The following CTNND2 variants were observed in gnomAD, a reference collection of about 807,000 sequenced individuals.
The protein encoded by CTNND2 is catenin delta 2.
Under a neutral mutation model 144.4 loss-of-function variants are expected in CTNND2, and 22 were observed. The observed-to-expected ratio is 0.15, with a 90% CI of 0.11 to 0.22. The LOEUF (loss-of-function observed/expected upper bound fraction) is 0.22, where lower values mean the gene tolerates loss of function less well. CTNND2 is among the 10% of genes least tolerant of loss of function. The pLI is 1.00. For missense variants in CTNND2, 1,353 were observed against 1,618.8 expected (o/e 0.84, Z 2.82); for synonymous variants, 751 against 695.6 (o/e 1.08, Z -1.25).
At chr5:11,250,884 C>T (rs969474171) in intron 9 of CTNND2, among the ~76,000 whole-genome samples, 1 of 152,036 alleles carries the variant, frequency 6.6e-6, no homozygotes, top group Non-Finnish European at 1.5e-5. Flanking sequence ...TTTGACTACA[C>T]CATAAAGACT....
chr5:11,246,887 G>A (rs2149922321), intron 9 of CTNND2, among the ~76,000 whole-genome samples: 1 of 152,198 alleles, frequency 6.6e-6, no homozygotes, highest in South Asian at 2.1e-4. Flanking sequence ...AGGTAAGAAG[G>A]TCACGGGGTG....
chr5:11,052,765 T>C (rs750430602), intron 16 of CTNND2, among the ~76,000 whole-genome samples: 1 of 152,052 alleles, frequency 6.6e-6, no homozygotes, highest in Non-Finnish European at 1.5e-5. Context: ...CTGGGCACCA[T>C]GGAGGACCAC....
At chr5:11,175,617 GTTTC>G (rs1404398226) in intron 11 of CTNND2, among the ~76,000 whole-genome samples, 3 of 134,682 alleles carry the variant, frequency 2.2e-5, no homozygotes, top group African/African-American at 8.5e-5. Context: ...CATTTAAGTT[GTTTC>G]TTTCTTTTTT....
At chr5:11,379,959 T>C (rs182520081) in intron 7 of CTNND2, among the ~76,000 whole-genome samples, 4 of 152,068 alleles carry the variant, frequency 2.6e-5, no homozygotes, top group African/African-American at 7.2e-5. Context: ...CCAGTTGTCT[T>C]CCCCTGCCTC....
At chr5:11,133,089 C>A (rs531046117) in intron 12 of CTNND2, among the ~76,000 whole-genome samples, 17 of 152,108 alleles carry the variant, frequency 1.1e-4, no homozygotes, top group Non-Finnish European at 2.4e-4. Flanking sequence ...AGTCTAAGGA[C>A]CACTCGCCTT....
chr5:11,210,641 G>T (rs935179851), intron 10 of CTNND2, among the ~76,000 whole-genome samples: 2 of 152,164 alleles, frequency 1.3e-5, no homozygotes, highest in Admixed American at 6.5e-5. Context: ...ATCTCAAAGA[G>T]AATTTTGGAT....
At chr5:11,432,652 CAG>C (rs1763404768) in intron 3 of CTNND2, among the ~76,000 whole-genome samples, 1 of 152,026 alleles carries the variant, frequency 6.6e-6, no homozygotes, top group Non-Finnish European at 1.5e-5. Context: ...TTCAGAAAGA[CAG>C]AGTATCTTCA....
chr5:11,406,112 A>C (rs984772358), intron 5 of CTNND2, among the ~76,000 whole-genome samples: 9 of 152,222 alleles, frequency 5.9e-5, no homozygotes, highest in Non-Finnish European at 1.2e-4. Flanking sequence ...GCACCATTGC[A>C]CACCAGCCTG....
intron 10 of CTNND2, among the ~76,000 whole-genome samples, chr5:11,200,506 T>G (rs11949895): frequency 1.8e-4 from 27 of 152,354 alleles, no homozygotes; most frequent in African/African-American, 6.5e-4. Flanking sequence ...AGAGCATGAT[T>G]CGTGCAGGAA....
chr5:11,619,125 A>T (rs1780715100), intron 2 of CTNND2, among the ~76,000 whole-genome samples: 5 of 152,188 alleles, frequency 3.3e-5, no homozygotes, highest in Admixed American at 3.3e-4. Flanking sequence ...AATTATTCTC[A>T]GGCCAGGCAC....
At position 11,903,876 on chromosome 5, in the gene CTNND2, C is replaced by T; in HGVS notation, c.-23G>A. The T allele has an allele frequency of 6.8e-7, 1 of 1,462,656 alleles. No individual in the cohort carries two copies. 90.6% of individuals were successfully genotyped at this position (1,462,656 alleles called of 1,614,324 possible). On this transcript the variant is annotated 5_prime_UTR_variant, in exon 1 of 22. Coordinates refer to ENST00000304623, the MANE Select transcript of CTNND2 (RefSeq NM_001332.4). This position sits in a 1 kb window ranked among gnomAD's most constrained non-coding sequence, Gnocchi z 5.4. ...CATGCACCCTCCGCCGGCGACAGCT[C>T]CTCAGTCCGGGAAGAGGCGTGCGCG...
chr5:11,634,077 C>T (rs539213790), intron 2 of CTNND2, among the ~76,000 whole-genome samples: 5 of 152,292 alleles, frequency 3.3e-5, no homozygotes, highest in Admixed American at 1.3e-4. Context: ...CCCATTTATC[C>T]AGCCACCCCA....
At chr5:11,374,964 C>T (rs1323240379) in intron 7 of CTNND2, among the ~76,000 whole-genome samples, 1 of 151,888 alleles carries the variant, frequency 6.6e-6, no homozygotes, top group Non-Finnish European at 1.5e-5. Flanking sequence ...ATGAACTTTT[C>T]AAGGTATGAA....
intron 9 of CTNND2, among the ~76,000 whole-genome samples, chr5:11,254,550 A>T (rs1339641484): frequency 6.6e-6 from 1 of 152,198 alleles, no homozygotes; most frequent in Non-Finnish European, 1.5e-5. Context: ...GGCTGTGGTC[A>T]GAGGCAACAT....
intron 2 of CTNND2, among the ~76,000 whole-genome samples, chr5:11,580,875 T>C (rs1778374741): frequency 6.6e-6 from 1 of 152,236 alleles, no homozygotes. Context: ...TTCTCTTCTG[T>C]AATTCAAACA....
chr5:11,320,500 G>T (rs1751925752), intron 9 of CTNND2, among the ~76,000 whole-genome samples: 1 of 152,162 alleles, frequency 6.6e-6, no homozygotes, highest in African/African-American at 2.4e-5. Context: ...TTTTCATGCT[G>T]CTGATAAAGA....
chr5:11,488,165 C>A (rs866366235), intron 3 of CTNND2, among the ~76,000 whole-genome samples: 1 of 152,196 alleles, frequency 6.6e-6, no homozygotes, highest in Non-Finnish European at 1.5e-5. Flanking sequence ...TCTTAAACTG[C>A]AGTAGATTTC....
At chr5:11,835,750 G>A (rs1794144591) in intron 1 of CTNND2, among the ~76,000 whole-genome samples, 1 of 152,112 alleles carries the variant, frequency 6.6e-6, no homozygotes, top group Non-Finnish European at 1.5e-5. Flanking sequence ...TCATTCCAAT[G>A]ATCCAGCTCT....
At chr5:11,794,665 G>A (rs966040522) in intron 1 of CTNND2, among the ~76,000 whole-genome samples, 4 of 152,172 alleles carry the variant, frequency 2.6e-5, no homozygotes, top group Admixed American at 1.3e-4. Flanking sequence ...TTAGTTGCAA[G>A]CCAGTAGGGA....
Sources: allele counts gnomAD v4.1 joint callset (sites outside exome capture counted in the v4.1 genomes callset), GRCh38; gene constraint gnomAD v4.1.1; non-coding constraint Gnocchi (gnomAD v3.1); transcripts MANE v1.5; gene names NCBI Gene and HGNC (gene_info 2026-07-23, HGNC 2026-07-21).